The following CTIF variants were observed in gnomAD, a reference collection of about 807,000 sequenced individuals.
The protein encoded by CTIF is CBP80/20-dependent translation initiation factor.
CTIF carries 21 observed loss-of-function variants against 66.0 expected under a neutral mutation model. That is an observed-to-expected ratio of 0.32 (90% CI 0.23 to 0.46). The LOEUF (loss-of-function observed/expected upper bound fraction) is 0.46, where lower values mean the gene tolerates loss of function less well. CTIF is among the 20% of genes least tolerant of loss of function. The probability of loss-of-function intolerance (pLI) is 1.00; values close to 1 mark genes in which losing one functional copy is unlikely to be tolerated. For missense variants in CTIF, 739 were observed against 812.7 expected, an observed-to-expected ratio of 0.91 and a Z score of 1.10; for synonymous variants, 345 against 326.4, an observed-to-expected ratio of 1.06 and a Z score of -0.62.
intron 9 of CTIF, among the ~76,000 whole-genome samples, chr18:48,791,577 T>C (rs1221467814): frequency 6.6e-6 from 1 of 151,672 alleles, no homozygotes; most frequent in African/African-American, 2.4e-5. Flanking sequence ...AGCTACCAGT[T>C]TGTGGACACA....
At chr18:48,756,993 G>A (rs1286095094) in intron 7 of CTIF, among the ~76,000 whole-genome samples, 4 of 152,138 alleles carry the variant, frequency 2.6e-5, no homozygotes, top group African/African-American at 9.7e-5. Flanking sequence ...GACACTTCTG[G>A]AGGCTGGAAG....
At chr18:48,802,378 G>C (rs1291274707) in intron 9 of CTIF, among the ~76,000 whole-genome samples, 1 of 152,256 alleles carries the variant, frequency 6.6e-6, no homozygotes, top group African/African-American at 2.4e-5. Flanking sequence ...TCCGAATTCT[G>C]CAGAGACAAC....
chr18:48,727,070 G>GCACACACACACACACACACA (rs35188197), intron 7 of CTIF, among the ~76,000 whole-genome samples: 1 of 144,488 alleles, frequency 6.9e-6, no homozygotes, highest in African/African-American at 2.6e-5. Context: ...CAAGTTAGCT[G>GCACACACACACACACACACA]CACACACACA....
intron 7 of CTIF, among the ~76,000 whole-genome samples, chr18:48,713,908 G>T (rs940418014): frequency 2.0e-5 from 3 of 152,242 alleles, no homozygotes; most frequent in Admixed American, 1.3e-4. Flanking sequence ...CAGAGCGTGT[G>T]CTCGTCGGGG....
chr18:48,808,582 G>A (rs929949016), intron 9 of CTIF, among the ~76,000 whole-genome samples: 3 of 148,938 alleles, frequency 2.0e-5, no homozygotes, highest in African/African-American at 7.4e-5. Context: ...AGCCCAGTGT[G>A]AAGTAAGATT....
intron 7 of CTIF, among the ~76,000 whole-genome samples, chr18:48,714,850 G>A (rs2092264295): frequency 6.6e-6 from 1 of 152,166 alleles, no homozygotes; most frequent in Non-Finnish European, 1.5e-5. Context: ...CTACAAAATG[G>A]GTTCACTAGT....
chr18:48,608,431 T>C (rs1206594019), intron 1 of CTIF, among the ~76,000 whole-genome samples: 1 of 151,514 alleles, frequency 6.6e-6, no homozygotes, highest in Non-Finnish European at 1.5e-5. Flanking sequence ...GCGGTAGCAA[T>C]CTCTGCTTTG....
chr18:48,758,249 G>A lies in CTIF; in HGVS notation c.915G>A (p.Pro305=), dbSNP rs778137644. 90 of 1,613,314 alleles carry A rather than the reference G, an allele frequency of 5.6e-5. No homozygotes were observed. The highest frequency in any genetic ancestry group is 6.6e-5 in the Non-Finnish European group (78 of 1,179,780). ...CCCGCAGCCCTGACACCCTGGCCCCGGTGGCTTCTGAGCGGCTGCCCCCAC... is the reference window on the plus strand; with the variant it reads ...CCCGCAGCCCTGACACCCTGGCCCCAGTGGCTTCTGAGCGGCTGCCCCCAC... ...EAPRSPDTLA[P]VASERLPPQQ... The change falls in exon 8 of 12, where the codon CCG becomes CCA. Residue 305 remains proline, a synonymous_variant. Coordinates refer to ENST00000256413, the MANE Select transcript of CTIF (RefSeq NM_014772.3).
chr18:48,733,982 C>T (rs8098676), intron 7 of CTIF, among the ~76,000 whole-genome samples: 1 of 152,172 alleles, frequency 6.6e-6, no homozygotes, highest in Non-Finnish European at 1.5e-5. Flanking sequence ...ATTTGGGGCT[C>T]AATAAAAGGG....
At chr18:48,581,000 A>AG (rs2089643373) in intron 1 of CTIF, among the ~76,000 whole-genome samples, 1 of 152,230 alleles carries the variant, frequency 6.6e-6, no homozygotes, top group Non-Finnish European at 1.5e-5. Context: ...AGCATTCTGC[A>AG]GTACTGCCCG....
At chr18:48,563,752 G>A (rs1413889349) in intron 1 of CTIF, among the ~76,000 whole-genome samples, 3 of 152,222 alleles carry the variant, frequency 2.0e-5, no homozygotes, top group East Asian at 1.9e-4. Context: ...GATTACAGGC[G>A]TGAGCCACCG....
chr18:48,852,233 T>TAAAAAAAAA (rs10591389), intron 10 of CTIF, among the ~76,000 whole-genome samples: 726 of 66,568 alleles, frequency 0.011, 50 homozygotes, highest in Non-Finnish European at 0.016. Context: ...GACCCTGTCT[T>TAAAAAAAAA]AAAAAAAAAA....
intron 1 of CTIF, among the ~76,000 whole-genome samples, chr18:48,597,922 T>A (rs924115070): frequency 3.9e-5 from 6 of 152,206 alleles, no homozygotes; most frequent in Non-Finnish European, 7.3e-5. Flanking sequence ...CTGTTTCAGA[T>A]GAGGAGACCC....
At chr18:48,562,533 G>A (rs1376606060) in intron 1 of CTIF, among the ~76,000 whole-genome samples, 3 of 152,090 alleles carry the variant, frequency 2.0e-5, no homozygotes, top group African/African-American at 4.8e-5. Context: ...GCAGCCCCCC[G>A]GGATCTCAGG....
chr18:48,778,640 C>CCACCG (rs1485438759), intron 9 of CTIF, among the ~76,000 whole-genome samples: 3 of 152,202 alleles, frequency 2.0e-5, no homozygotes, highest in Non-Finnish European at 4.4e-5. Context: ...CTCCCATCAA[C>CCACCG]CACCGTGGGA....
chr18:48,577,255 T>A (rs2089553356), intron 1 of CTIF, among the ~76,000 whole-genome samples: 1 of 152,172 alleles, frequency 6.6e-6, no homozygotes, highest in African/African-American at 2.4e-5. Context: ...GTGGGTGATG[T>A]CAAAAGCCAT....
intron 2 of CTIF, chr18:48,625,325 A>G (rs890668675): frequency 1.3e-4 from 64 of 499,112 alleles, no homozygotes; most frequent in Non-Finnish European, 1.6e-4. Flanking sequence ...TCTAAATTAT[A>G]CAAGTACTTT....
At chr18:48,709,684 CAGAGCCTAGTCAG>C (rs1351671132) in intron 6 of CTIF, among the ~76,000 whole-genome samples, 1 of 152,160 alleles carries the variant, frequency 6.6e-6, no homozygotes, top group African/African-American at 2.4e-5. Context: ...GGGGCCAGCC[CAGAGCCTAGTCAG>C]GGTGGGAGAG....
intron 1 of CTIF, among the ~76,000 whole-genome samples, chr18:48,603,249 A>AATGG (rs1346280770): frequency 5.5e-5 from 7 of 128,276 alleles, no homozygotes; most frequent in Non-Finnish European, 1.0e-4. Context: ...TGGATGGATG[A>AATGG]ATGGATGGAT....
Sources: allele counts gnomAD v4.1 joint callset (sites outside exome capture counted in the v4.1 genomes callset), GRCh38; gene constraint gnomAD v4.1.1; transcripts MANE v1.5; gene names NCBI Gene and HGNC (gene_info 2026-07-23, HGNC 2026-07-21).